NAALAD2: variants seen among roughly 807,000 people sequenced by gnomAD.
NAALAD2 encodes N-acetylated-alpha-linked acidic dipeptidase 2.
NAALAD2 carries 89 observed loss-of-function variants against 95.6 expected under a neutral mutation model. The observed-to-expected ratio is 0.93, with a 90% CI of 0.78 to 1.11. The LOEUF is 1.11. NAALAD2 is among the 50% of genes least tolerant of loss of function. The pLI is 0.00. For synonymous variants in NAALAD2, 264 were observed against 294.4 expected (o/e 0.90, Z 1.06); for missense variants, 894 against 872.4 (o/e 1.02, Z -0.31).
At chr11:90,159,164 T>C (rs568953295) in intron 7 of NAALAD2, 75 bp from the exon 8 acceptor site, 5 of 1,114,806 alleles carry the variant, frequency 4.5e-6, no homozygotes, top group Non-Finnish European at 6.8e-6. Context: ...GAATGAAATA[T>C]TGTCATCAAA....
chr11:90,151,633 G>A (rs1437230684), intron 5 of NAALAD2, among the ~76,000 whole-genome samples: 1 of 152,012 alleles, frequency 6.6e-6, no homozygotes, highest in East Asian at 1.9e-4. Context: ...TGATATAACA[G>A]GGTGTTCTCT....
Position 90,150,606 on chromosome 11 carries a change from A to G in NAALAD2, c.608A>G (p.Lys203Arg), listed in dbSNP as rs1818158045. ...TATGGAAAAATCTTCAGAGGAAATA[A>G]AGTACAGTATTATTTGTTTTTCTAC... ...ARYGKIFRGN[K>R]VKNAMLAGAI... is the part of the protein sequence containing the mutation. The change falls in exon 5 of 19, where the codon AAA becomes AGA. Residue 203 changes from lysine (K) to arginine (R), a missense_variant and splice_region_variant. Coordinates refer to ENST00000534061, the MANE Select transcript of NAALAD2 (RefSeq NM_005467.4). The G allele has an allele frequency of 6.3e-7, 1 of 1,587,796 alleles. No individual in the cohort carries two copies. Among genetic ancestry groups the G allele is most frequent in the Non-Finnish European group, 8.6e-7 (1 of 1,158,112 alleles).
intron 11 of NAALAD2, 39 bp downstream of exon 11, chr11:90,163,656 C>T (rs764788433): frequency 1.9e-6 from 3 of 1,556,640 alleles, no homozygotes; most frequent in African/African-American, 2.7e-5. Flanking sequence ...TTTTTTTGGT[C>T]AACAGGGAAC....
intron 15 of NAALAD2, among the ~76,000 whole-genome samples, 191 bp from the exon 16 acceptor site, chr11:90,177,662 A>G (rs1482019740): frequency 1.1e-5 from 1 of 90,788 alleles, no homozygotes; most frequent in Non-Finnish European, 1.9e-5. Flanking sequence ...CATGTTGCCC[A>G]GGCTGGTCTT....
intron 16 of NAALAD2, among the ~76,000 whole-genome samples, chr11:90,178,845 T>C (rs1467154256): frequency 2.6e-5 from 4 of 152,214 alleles, no homozygotes; most frequent in Non-Finnish European, 5.9e-5. Context: ...ATTTTTTCCA[T>C]GGTTATAAGT....
chr11:90,147,432 G>T lies in NAALAD2; in HGVS notation c.297G>T (p.Lys99Asn), dbSNP rs1281131095. Residue 99 changes from lysine (K) to asparagine (N), a missense_variant, in exon 3 of 19, where the codon AAG becomes AAT. By Grantham distance (94) the Lys-to-Asn change is moderately conservative. Coordinates refer to ENST00000534061, the MANE Select transcript of NAALAD2 (RefSeq NM_005467.4). ...AGAAATTTGGACTAGATTCAGCCAAGTTGGTTCATTATGATGTCCTCTTAT... is the reference window on the plus strand; with the variant it reads ...AGAAATTTGGACTAGATTCAGCCAATTTGGTTCATTATGATGTCCTCTTAT... The part of the protein sequence containing the change: ...QWKKFGLDSA[K>N]LVHYDVLLSY... The T allele has an allele frequency of 1.9e-6, 3 of 1,613,994 alleles. No individual in the cohort carries two copies. The East Asian group carries it at 6.7e-5, about 36-fold the overall frequency.
rs57694347 is a variant in NAALAD2, at chr11:90,177,586, G to GTTTT, written c.1594-232_1594-229dup. Among the ~76,000 whole-genome samples the GTTTT allele has an allele frequency of 1.5e-3, 42 of 28,470 alleles. 4 individuals are homozygous for GTTTT. Among genetic ancestry groups the GTTTT allele is most frequent in the Non-Finnish European group, 1.9e-3 (31 of 16,074 alleles). 18.7% of individuals were successfully genotyped at this position (28,470 alleles called of 152,430 possible). ...TATGGTTGTATTTTTTCTTTTTCTT[G>GTTTT]TTTTTTTTTTTTTTTTTTTTTTTTT... On this transcript the variant is annotated intron_variant, in intron 15 of 18. Transcript: ENST00000534061.
rs1565537615 is a variant in NAALAD2 at position 90,170,053 on chromosome 11, C to T, written c.1343-16C>T. On this transcript the variant is annotated splice_polypyrimidine_tract_variant and intron_variant, in intron 12 of 18. Transcript: ENST00000534061. Reference sequence around the variant, plus strand: ...AGAAGTATGAAATAATACTCTGTGTCTTATTTATTTTTCAGGCAATTATAC... The same window carrying T: ...AGAAGTATGAAATAATACTCTGTGTTTTATTTATTTTTCAGGCAATTATAC... 1.4e-6 allele frequency: 2 copies of T among 1,442,018 alleles called. No individual in the cohort carries two copies. Among genetic ancestry groups the T allele is most frequent in the Middle Eastern group, 1.7e-4 (1 of 5,722 alleles). The allele number at this position is 1,442,018 out of a possible 1,614,324, so 89.3% of individuals were successfully genotyped here.
rs575324250 is a variant in NAALAD2 at position 90,149,465 on chromosome 11, G to A, written c.483+358G>A. The stretch of plus-strand genomic sequence containing the variant: ...TTTTGTTTTTTTGAGACAGAGTTTC[G>A]CTCTTGTCACCCAGGCTGGAGTGCA... On this transcript the variant is annotated intron_variant, in intron 4 of 18. Transcript: ENST00000534061. 5.3e-5 allele frequency among the ~76,000 whole-genome samples: 8 copies of A among 151,972 alleles called. No individual in the cohort carries two copies. In the East Asian group the frequency reaches 5.8e-4, roughly 11 times the overall value.
intron 13 of NAALAD2, 148 bp downstream of exon 13, chr11:90,170,284 A>G (rs1184948654): frequency 1.7e-6 from 1 of 599,344 alleles, no homozygotes. Flanking sequence ...TTAATATGCC[A>G]TTTACCTATA....
intron 16 of NAALAD2, among the ~76,000 whole-genome samples, chr11:90,179,151 A>G (rs10741323): frequency 0.43 from 66,083 of 152,114 alleles, 14,975 homozygotes; most frequent in African/African-American, 0.56. Context: ...TGTGGTGGGT[A>G]GCACTTAGTG....
intron 2 of NAALAD2, among the ~76,000 whole-genome samples, chr11:90,143,240 C>A (rs1951668534): frequency 6.6e-6 from 1 of 152,074 alleles, no homozygotes; most frequent in African/African-American, 2.4e-5. Context: ...GTCTGAATAA[C>A]TTCCTTAAGT....
intron 3 of NAALAD2, 84 bp from the exon 4 acceptor site, chr11:90,148,922 A>C (rs1951818641): frequency 1.4e-6 from 1 of 738,604 alleles, no homozygotes; most frequent in Admixed American, 2.4e-5. Flanking sequence ...GCTTAATCTG[A>C]AGTATATACT....
chr11:90,139,486 C>A (rs1321152978), intron 2 of NAALAD2, among the ~76,000 whole-genome samples: 6 of 152,140 alleles, frequency 3.9e-5, no homozygotes, highest in Non-Finnish European at 7.4e-5. Context: ...CCTTTTCAGG[C>A]AGATATGCTT....
intron 6 of NAALAD2, among the ~76,000 whole-genome samples, chr11:90,155,594 G>A (rs1349022405): frequency 3.0e-5 from 1 of 32,900 alleles, no homozygotes; most frequent in Non-Finnish European, 4.4e-5. Flanking sequence ...TAATATATAT[G>A]TAATAATATA....
At chr11:90,155,907 A>ATATGTAATATATATTATATAG (rs1952104458) in intron 6 of NAALAD2, among the ~76,000 whole-genome samples, 2 of 143,526 alleles carry the variant, frequency 1.4e-5, no homozygotes, top group African/African-American at 5.1e-5. Flanking sequence ...ATATTATATA[A>ATATGTAATATATATTATATAG]TATGTAATAT....
rs1952847925 is a variant in NAALAD2 at position 90,177,838 on chromosome 11, C to G, written c.1594-15C>G. 6.3e-7 allele frequency: 1 copy of G among 1,590,754 alleles called. No homozygotes were observed. On this transcript the variant is annotated splice_polypyrimidine_tract_variant and intron_variant, in intron 15 of 18. Coordinates refer to ENST00000534061, the MANE Select transcript of NAALAD2 (RefSeq NM_005467.4). Reference sequence around the variant, plus strand: ...TTAATGTTTATTTATACTTGCCTCTCCATTTTTTTTTCAGAAAACAGATAA... The same window carrying G: ...TTAATGTTTATTTATACTTGCCTCTGCATTTTTTTTTCAGAAAACAGATAA...
chr11:90,145,992 G>T (rs927448643), intron 2 of NAALAD2, among the ~76,000 whole-genome samples: 11 of 151,996 alleles, frequency 7.2e-5, no homozygotes, highest in Non-Finnish European at 1.6e-4. Flanking sequence ...AAGCACATGG[G>T]TAATAACAGC....
intron 7 of NAALAD2, 200 bp from the exon 8 acceptor site, chr11:90,159,039 G>T (rs1235594738): frequency 7.3e-6 from 4 of 545,322 alleles, no homozygotes; most frequent in African/African-American, 3.8e-5. Context: ...AACATATTAC[G>T]TATTTTACTT....
Sources: allele counts gnomAD v4.1 joint callset (sites outside exome capture counted in the v4.1 genomes callset), GRCh38; gene constraint gnomAD v4.1.1; transcripts MANE v1.5; gene names NCBI Gene and HGNC (gene_info 2026-07-23, HGNC 2026-07-21).